Variants in LARP1B observed in about 807,000 individuals in gnomAD.
The protein encoded by LARP1B is La ribonucleoprotein 1B.
In LARP1B, 76 loss-of-function variants were observed where a neutral mutation model predicts 114.2. That is an observed-to-expected ratio of 0.67 (90% CI 0.55 to 0.81). The LOEUF (loss-of-function observed/expected upper bound fraction) is 0.81, where lower values mean the gene tolerates loss of function less well. Ranked by LOEUF, LARP1B falls within the 30% of genes least tolerant of loss-of-function variation. The pLI is 0.00. For synonymous variants in LARP1B, 345 were observed against 348.0 expected (o/e 0.99, Z 0.10); for missense variants, 1,014 against 1,075.8 (o/e 0.94, Z 0.80).
At chr4:128,192,554 A>C (rs1752624196) in intron 15 of LARP1B, among the ~76,000 whole-genome samples, 1 of 152,216 alleles carries the variant, frequency 6.6e-6, no homozygotes, top group Non-Finnish European at 1.5e-5. Flanking sequence ...AAAATGTTGA[A>C]TATCTTATGT....
chr4:128,177,018 T>A (rs1248812849), intron 13 of LARP1B, 111 bp downstream of exon 13: 1 of 973,122 alleles, frequency 1.0e-6, no homozygotes, highest in South Asian at 1.3e-5. Flanking sequence ...TGAAAAGATA[T>A]GGAACAAGGA....
chr4:128,171,426 C>T (rs1434898886), intron 12 of LARP1B, among the ~76,000 whole-genome samples: 1 of 152,156 alleles, frequency 6.6e-6, no homozygotes, highest in African/African-American at 2.4e-5. Flanking sequence ...AATCACCACA[C>T]TCAGCTGAAA....
Position 128,174,429 on chromosome 4 carries a change from A to C in LARP1B, c.1649-2443A>C, listed in dbSNP as rs143841684. Among the ~76,000 whole-genome samples, 248 of 152,134 alleles carry C rather than the reference A, an allele frequency of 1.6e-3. 1 individual carries two copies. Among genetic ancestry groups the C allele is most frequent in the Non-Finnish European group, 2.6e-3 (177 of 67,914 alleles). On this transcript the variant is annotated intron_variant, in intron 12 of 19. Coordinates refer to ENST00000326639, the MANE Select transcript of LARP1B (RefSeq NM_018078.4). ...GATAATTTTATGTCAAAATATTATA[A>C]ATTGGTATATGATAGTCTATAAACA...
At position 128,210,007 on chromosome 4, in the gene LARP1B, C is replaced by T. The variant is rs150244092; in HGVS notation, c.2699C>T (p.Ser900Phe). The T allele has an allele frequency of 4.0e-4, 638 of 1,614,156 alleles. 10 individuals carry two copies. The South Asian group carries it at 5.7e-3, about 15-fold the overall frequency. Reference sequence around the variant, plus strand: ...AGTGAGCTTCAGGTACCAATAAACTCTCCCAGAAGGAATATTTCACCGGAG... The same window carrying T: ...AGTGAGCTTCAGGTACCAATAAACTTTCCCAGAAGGAATATTTCACCGGAG... Reference protein sequence around the residue: ...STSELQVPINSPRRNISPESS... With the variant: ...STSELQVPINFPRRNISPESS... The change falls in exon 20 of 20, where the codon TCT (serine) becomes TTT (phenylalanine). Residue 900 changes from serine (S) to phenylalanine (F), a missense_variant. Ser to Phe is a radical substitution (Grantham distance 155). Transcript: ENST00000326639.
chr4:128,103,722 C>A (rs1781112758), intron 8 of LARP1B, among the ~76,000 whole-genome samples: 1 of 152,156 alleles, frequency 6.6e-6, no homozygotes, highest in African/African-American at 2.4e-5. Context: ...GCCACCACGC[C>A]TGGCTAATTT....
chr4:128,096,794 G>A (rs532620594), intron 7 of LARP1B, among the ~76,000 whole-genome samples: 1 of 152,044 alleles, frequency 6.6e-6, no homozygotes, highest in South Asian at 2.1e-4. Flanking sequence ...TAGAGACGGA[G>A]TTTCACCATG....
intron 9 of LARP1B, 121 bp from the exon 10 acceptor site, chr4:128,114,449 T>G (rs1283580753): frequency 3.3e-5 from 24 of 724,058 alleles, no homozygotes; most frequent in Non-Finnish European, 5.5e-5. Flanking sequence ...AAGCTTACAG[T>G]TGAGACTGAT....
At chr4:128,140,202 G>C (rs548353342) in intron 11 of LARP1B, among the ~76,000 whole-genome samples, 1 of 152,124 alleles carries the variant, frequency 6.6e-6, no homozygotes, top group Non-Finnish European at 1.5e-5. Context: ...CACTACCCTG[G>C]AGGAATTTAG....
intron 11 of LARP1B, among the ~76,000 whole-genome samples, chr4:128,161,226 C>A (rs896850045): frequency 3.3e-5 from 5 of 151,992 alleles, no homozygotes; most frequent in African/African-American, 1.2e-4. Flanking sequence ...TAGGGTTCAA[C>A]CTTTAGGGTT....
chr4:128,140,138 A>G (rs910333401), intron 11 of LARP1B, among the ~76,000 whole-genome samples: 7 of 152,218 alleles, frequency 4.6e-5, no homozygotes, highest in Admixed American at 2.0e-4. Flanking sequence ...TACATCTTGT[A>G]TATTTTTTGT....
intron 11 of LARP1B, among the ~76,000 whole-genome samples, chr4:128,131,898 A>T (rs1012409824): frequency 1.3e-5 from 2 of 152,236 alleles, no homozygotes; most frequent in African/African-American, 4.8e-5. Flanking sequence ...AATAAAGAAG[A>T]CAGATATACT....
In LARP1B at chr4:128,099,278, CT is replaced by C. The variant is rs993103169; in HGVS notation, c.813+955del. 2.0e-5 allele frequency among the ~76,000 whole-genome samples: 3 copies of C among 148,156 alleles called. No individual in the cohort carries two copies. In the South Asian group the frequency reaches 6.4e-4, roughly 31 times the overall value. On this transcript the variant is annotated intron_variant, in intron 8 of 19. Coordinates refer to ENST00000326639, the MANE Select transcript of LARP1B (RefSeq NM_018078.4). Reference sequence around the variant, plus strand: ...AACCACAATCACTAATCTGCTTTTTCTTTTTTTCTTTCTTTTTTTTTTTTTT... The same window carrying C: ...AACCACAATCACTAATCTGCTTTTTCTTTTTTCTTTCTTTTTTTTTTTTTT...
intron 15 of LARP1B, among the ~76,000 whole-genome samples, chr4:128,191,024 A>G (rs1312325965): frequency 6.6e-6 from 1 of 151,792 alleles, no homozygotes; most frequent in Non-Finnish European, 1.5e-5. Context: ...GTATTTTCCA[A>G]TAGGCTGTAT....
chr4:128,127,786 A>G (rs753899116), intron 11 of LARP1B, among the ~76,000 whole-genome samples: 1 of 152,230 alleles, frequency 6.6e-6, no homozygotes, highest in Non-Finnish European at 1.5e-5. Flanking sequence ...GTGAGCCGAA[A>G]TTGCGCCATT....
rs745855659 is a variant in LARP1B at position 128,114,647 on chromosome 4, A to G, written c.1066A>G (p.Met356Val). The G allele has an allele frequency of 6.8e-6, 11 of 1,613,980 alleles. No individual in the cohort carries two copies. The highest frequency in any genetic ancestry group is 6.6e-5 in the South Asian group (6 of 91,064). ...CAGTGAAACAAGTATTCTTCAAGCA[A>G]TGTCTAGAGGTTTGTCTACCAGTTT... Reference protein sequence around the residue: ...KNSETSILQAMSRGLSTSLPD... With the variant: ...KNSETSILQAVSRGLSTSLPD... The change falls in exon 10 of 20, where the codon ATG becomes GTG. Residue 356 changes from methionine (M) to valine (V), a missense_variant. Transcript: ENST00000326639.
chr4:128,123,406 T>C (rs531607413), intron 11 of LARP1B: 17 of 957,370 alleles, frequency 1.8e-5, no homozygotes, highest in Middle Eastern at 1.1e-3. Flanking sequence ...TTAAATCCTT[T>C]TAGAACAGAG....
chr4:128,108,303 C>T (rs962041496), intron 9 of LARP1B: 18 of 1,023,566 alleles, frequency 1.8e-5, no homozygotes, highest in Non-Finnish European at 2.0e-5. Context: ...GATTGAGTAG[C>T]ATTTCCCAGA....
chr4:128,098,658 C>T (rs764865383), intron 8 of LARP1B, among the ~76,000 whole-genome samples: 1 of 145,334 alleles, frequency 6.9e-6, no homozygotes, highest in Non-Finnish European at 1.5e-5. Context: ...CGTGGCGGCT[C>T]GCACCTGGGT....
chr4:128,212,161 C>T (rs1759083515), downstream of LARP1B, among the ~76,000 whole-genome samples: 1 of 151,924 alleles, frequency 6.6e-6, no homozygotes, highest in Non-Finnish European at 1.5e-5. Context: ...GATCCACCTT[C>T]CTCGGCCTCC....
Sources: gnomAD v4.1 joint callset for allele counts (sites outside exome capture counted in the v4.1 genomes callset) on GRCh38, gnomAD v4.1.1 for gene constraint, MANE v1.5 for transcripts, NCBI Gene and HGNC (gene_info 2026-07-23, HGNC 2026-07-21) for gene names.